Variants in NPAS3 observed in about 807,000 individuals in gnomAD.
The protein encoded by NPAS3 is neuronal PAS domain protein 3.
Under a neutral mutation model 73.1 loss-of-function variants are expected in NPAS3, and 14 were observed. That is an observed-to-expected ratio of 0.19 (90% CI 0.13 to 0.30). The LOEUF (loss-of-function observed/expected upper bound fraction) is 0.30. Among genes scored for constraint, NPAS3 ranks in the 10% least tolerant of loss-of-function variants. The pLI is 1.00. For missense variants in NPAS3, 1,096 were observed against 1,250.0 expected, an observed-to-expected ratio of 0.88 and a Z score of 1.86; for synonymous variants, 620 against 541.5, an observed-to-expected ratio of 1.14 and a Z score of -2.01.
chr14:33,712,417 A>G (rs1420552742), intron 6 of NPAS3, among the ~76,000 whole-genome samples: 1 of 152,214 alleles, frequency 6.6e-6, no homozygotes, highest in Non-Finnish European at 1.5e-5. Context: ...AACAGGCTTC[A>G]TACCCTGGGT....
At chr14:33,003,083 C>T (rs1374274708) in intron 1 of NPAS3, among the ~76,000 whole-genome samples, 12 of 142,076 alleles carry the variant, frequency 8.4e-5, no homozygotes, top group African/African-American at 1.3e-4. Context: ...TTTTTTTTTT[C>T]GCAGAATTGA....
At chr14:33,773,808 A>T (rs1348813087) in intron 7 of NPAS3, among the ~76,000 whole-genome samples, 1 of 152,212 alleles carries the variant, frequency 6.6e-6, no homozygotes, top group Non-Finnish European at 1.5e-5. Flanking sequence ...ATAACAGGAA[A>T]TATCTATCCT....
intron 4 of NPAS3, among the ~76,000 whole-genome samples, chr14:33,541,834 A>C (rs1367319149): frequency 6.6e-6 from 1 of 152,042 alleles, no homozygotes; most frequent in Admixed American, 6.5e-5. Context: ...GTAGTTTCCA[A>C]TTTACCAGCT....
At chr14:33,497,464 G>A (rs2052262431) in intron 4 of NPAS3, among the ~76,000 whole-genome samples, 1 of 152,134 alleles carries the variant, frequency 6.6e-6, no homozygotes, top group African/African-American at 2.4e-5. Context: ...CAAGGCTACA[G>A]TAACCAAAAC....
chr14:33,409,649 T>C (rs1041231751), intron 4 of NPAS3, among the ~76,000 whole-genome samples: 5 of 152,206 alleles, frequency 3.3e-5, no homozygotes, highest in Admixed American at 3.3e-4. Flanking sequence ...AGAAAGAAAG[T>C]GCAGAAAGTT....
At chr14:33,122,637 A>G (rs1331872808) in intron 2 of NPAS3, among the ~76,000 whole-genome samples, 1 of 152,122 alleles carries the variant, frequency 6.6e-6, no homozygotes, top group Non-Finnish European at 1.5e-5. Context: ...CTCAGGTTCA[A>G]ACGATCTCAA....
chr14:33,629,462 T>C (rs1304541207), intron 5 of NPAS3, among the ~76,000 whole-genome samples: 1 of 152,192 alleles, frequency 6.6e-6, no homozygotes, highest in Admixed American at 6.5e-5. Flanking sequence ...TTGGTTTGCA[T>C]CCTGGATATC....
In NPAS3 at chr14:33,190,393, C is replaced by T. The variant is rs548927180; in HGVS notation, c.141-24789C>T. On this transcript the variant is annotated intron_variant, in intron 2 of 11. Transcript: ENST00000356141. ...GGGAAGGTACACAAGAAACAATCCA[C>T]AATATTTGCTTCTGGGGATAGAGAG... is the stretch of plus-strand genomic sequence containing the variant. 1.1e-4 allele frequency among the ~76,000 whole-genome samples: 17 copies of T among 152,338 alleles called. No homozygotes were observed. The South Asian group carries it at 3.5e-3, about 32-fold the overall frequency.
intron 4 of NPAS3, among the ~76,000 whole-genome samples, chr14:33,451,267 A>C (rs1396897846): frequency 3.9e-5 from 6 of 152,192 alleles, no homozygotes; most frequent in African/African-American, 1.4e-4. Flanking sequence ...CCCTTATGTT[A>C]AACAATACGG....
intron 2 of NPAS3, among the ~76,000 whole-genome samples, chr14:33,107,099 C>G (rs1459709905): frequency 6.6e-6 from 1 of 151,532 alleles, no homozygotes; most frequent in African/African-American, 2.4e-5. Context: ...CAGGATGCAG[C>G]TGTGCATTTA....
chr14:33,085,922 T>G (rs967058996), intron 2 of NPAS3, among the ~76,000 whole-genome samples: 1 of 152,194 alleles, frequency 6.6e-6, no homozygotes, highest in Non-Finnish European at 1.5e-5. Flanking sequence ...CAGTTGGAAG[T>G]GTTAATTATT....
At chr14:33,144,717 T>A (rs146832358) in intron 2 of NPAS3, among the ~76,000 whole-genome samples, 1 of 152,144 alleles carries the variant, frequency 6.6e-6, no homozygotes, top group Non-Finnish European at 1.5e-5. Flanking sequence ...AATTTACCCA[T>A]TTAATTCATT....
At chr14:33,607,376 A>G (rs1172611593) in intron 5 of NPAS3, among the ~76,000 whole-genome samples, 1 of 151,038 alleles carries the variant, frequency 6.6e-6, no homozygotes, top group African/African-American at 2.4e-5. Flanking sequence ...ATGAATCTCA[A>G]AACAATTATT....
chr14:33,145,221 G>T (rs939125938), intron 2 of NPAS3, among the ~76,000 whole-genome samples: 2 of 152,106 alleles, frequency 1.3e-5, no homozygotes, highest in African/African-American at 4.8e-5. Context: ...ACGTGTATAT[G>T]TATGAAAATT....
At chr14:33,635,054 A>G (rs902076977) in intron 5 of NPAS3, among the ~76,000 whole-genome samples, 3 of 152,248 alleles carry the variant, frequency 2.0e-5, no homozygotes, top group African/African-American at 7.2e-5. Flanking sequence ...ACACAAGAAC[A>G]GTTACACAGC....
intron 3 of NPAS3, among the ~76,000 whole-genome samples, chr14:33,222,060 A>G (rs1432947533): frequency 6.6e-6 from 1 of 152,140 alleles, no homozygotes; most frequent in East Asian, 1.9e-4. Context: ...ATGACTGGAC[A>G]AAAAAGGCAT....
intron 4 of NPAS3, among the ~76,000 whole-genome samples, chr14:33,404,438 AT>A (rs1438201775): frequency 6.6e-6 from 1 of 152,120 alleles, no homozygotes; most frequent in East Asian, 1.9e-4. Flanking sequence ...AATCATCTTT[AT>A]TAATCAAAAT....
chr14:33,252,520 G>C lies in NPAS3; in HGVS notation c.385+37094G>C, dbSNP rs144760537. On this transcript the variant is annotated intron_variant, in intron 3 of 11. Transcript: ENST00000356141. ...TGCAAAATAACCCCATGATGTAGTG[G>C]TTATTCTTTTATTGGTTATTCTTGA... 4.6e-5 allele frequency among the ~76,000 whole-genome samples: 7 copies of C among 151,938 alleles called. No homozygotes were observed. In the East Asian group the frequency reaches 1.4e-3, roughly 29 times the overall value.
intron 4 of NPAS3, among the ~76,000 whole-genome samples, chr14:33,496,837 A>T (rs899720568): frequency 4.0e-4 from 61 of 152,162 alleles, no homozygotes; most frequent in Admixed American, 3.9e-4. Flanking sequence ...ATAGTATTGG[A>T]AGTTCTGGCC....
Sources: gnomAD v4.1 joint callset for allele counts (sites outside exome capture counted in the v4.1 genomes callset) on GRCh38, gnomAD v4.1.1 for gene constraint, MANE v1.5 for transcripts, NCBI Gene and HGNC (gene_info 2026-07-23, HGNC 2026-07-21) for gene names.